CADPS: variants seen among roughly 807,000 people sequenced by gnomAD.
CADPS encodes the protein calcium-dependent secretion activator 1.
CADPS carries 57 observed loss-of-function variants against 167.3 expected under a neutral mutation model. That is an observed-to-expected ratio of 0.34 (90% confidence interval 0.28 to 0.42). CADPS has a LOEUF of 0.42. Among genes scored for constraint, CADPS ranks in the 20% least tolerant of loss-of-function variants. The pLI is 1.00. For missense variants in CADPS, 1,414 were observed against 1,738.1 expected, an observed-to-expected ratio of 0.81 and a Z score of 3.32; for synonymous variants, 676 against 635.3, an observed-to-expected ratio of 1.06 and a Z score of -0.96.
intron 6 of CADPS, among the ~76,000 whole-genome samples, chr3:62,604,783 C>G (rs908993138): frequency 1.3e-5 from 2 of 152,240 alleles, no homozygotes; most frequent in African/African-American, 2.4e-5. Context: ...ATCTCCATCA[C>G]CCAGCTGCCT....
chr3:62,408,083 C>T (rs2048260901), intron 28 of CADPS, among the ~76,000 whole-genome samples: 1 of 152,142 alleles, frequency 6.6e-6, no homozygotes, highest in African/African-American at 2.4e-5. Context: ...TTTGATCCTC[C>T]CTTTCTAGTA....
chr3:62,731,686 C>T (rs1445197607), intron 3 of CADPS, among the ~76,000 whole-genome samples: 1 of 151,226 alleles, frequency 6.6e-6, no homozygotes, highest in Non-Finnish European at 1.5e-5. Context: ...ATACAATTTG[C>T]CAACACATAT....
intron 1 of CADPS, among the ~76,000 whole-genome samples, chr3:62,851,977 T>C (rs1281596017): frequency 1.3e-5 from 2 of 150,438 alleles, no homozygotes; most frequent in Non-Finnish European, 3.0e-5. Flanking sequence ...CTCATTTCTT[T>C]TTATTCTTTT....
chr3:62,642,610 G>A (rs1358545803), intron 6 of CADPS, among the ~76,000 whole-genome samples: 2 of 152,176 alleles, frequency 1.3e-5, no homozygotes, highest in African/African-American at 2.4e-5. Context: ...CATGCTACCA[G>A]ATAAAACTGG....
At chr3:62,853,815 G>A (rs1437211533) in intron 1 of CADPS, among the ~76,000 whole-genome samples, 3 of 151,940 alleles carry the variant, frequency 2.0e-5, no homozygotes, top group African/African-American at 7.3e-5. Flanking sequence ...ACTTAGCCAG[G>A]TGTGGTGGTG....
intron 28 of CADPS, among the ~76,000 whole-genome samples, chr3:62,407,144 T>TCATCAC (rs1708802784): frequency 6.6e-6 from 1 of 152,004 alleles, no homozygotes; most frequent in Non-Finnish European, 1.5e-5. Flanking sequence ...AACATCATCA[T>TCATCAC]CATCATCATC....
At chr3:62,671,983 T>C (rs2075602683) in intron 3 of CADPS, among the ~76,000 whole-genome samples, 1 of 152,100 alleles carries the variant, frequency 6.6e-6, no homozygotes, top group Non-Finnish European at 1.5e-5. Flanking sequence ...GGTTTCACCA[T>C]GTTGGCCCGG....
chr3:62,731,827 A>AT (rs1344687205), intron 3 of CADPS, among the ~76,000 whole-genome samples: 15 of 79,458 alleles, frequency 1.9e-4, no homozygotes, highest in Non-Finnish European at 2.8e-4. Context: ...AAAAAAAAAA[A>AT]AAAGTAAAGA....
intron 1 of CADPS, among the ~76,000 whole-genome samples, chr3:62,857,716 G>A (rs1020399289): frequency 1.3e-5 from 2 of 151,790 alleles, no homozygotes; most frequent in African/African-American, 4.8e-5. Context: ...TGTGCATAAT[G>A]GATGTCTTTG....
chr3:62,700,355 T>C (rs1346873347), intron 3 of CADPS, among the ~76,000 whole-genome samples: 5 of 152,104 alleles, frequency 3.3e-5, no homozygotes, highest in Admixed American at 3.3e-4. Context: ...TAAAGAGGCA[T>C]TTTGGTTTTC....
At chr3:62,872,189 C>T (rs1183668766) in intron 1 of CADPS, among the ~76,000 whole-genome samples, 1 of 152,104 alleles carries the variant, frequency 6.6e-6, no homozygotes, top group Admixed American at 6.6e-5. Flanking sequence ...ACTAGTTTAT[C>T]TTTCTCCAAG....
intron 11 of CADPS, among the ~76,000 whole-genome samples, chr3:62,537,620 A>C (rs1383293405): frequency 6.6e-6 from 1 of 152,166 alleles, no homozygotes; most frequent in Admixed American, 6.6e-5. Flanking sequence ...ATCTTACTGG[A>C]ATACGGGGAC....
Position 62,457,810 on chromosome 3 carries a change from T to C in CADPS, c.3636+7557A>G, listed in dbSNP as rs2058869613. On this transcript the variant is annotated intron_variant, in intron 26 of 29. Transcript: ENST00000383710. ...GGGACATGGATGAAGCTGGAATCCA[T>C]AATTCTCAGCAAACTAACACAAGAA... Among the ~76,000 whole-genome samples the C allele has an allele frequency of 1.3e-5, 2 of 152,140 alleles. 1 individual carries two copies. Among genetic ancestry groups the C allele is most frequent in the South Asian group, 4.1e-4 (2 of 4,826 alleles).
chr3:62,751,386 A>G (rs2152402205), intron 3 of CADPS, among the ~76,000 whole-genome samples: 1 of 152,290 alleles, frequency 6.6e-6, no homozygotes, highest in Non-Finnish European at 1.5e-5. Flanking sequence ...TTTAGATATG[A>G]ATAGAGAGTA....
At chr3:62,633,804 C>T (rs79582733) in intron 6 of CADPS, among the ~76,000 whole-genome samples, 11,071 of 152,198 alleles carry the variant, frequency 0.073, 481 homozygotes, top group African/African-American at 0.12. Flanking sequence ...TAAAAATGAA[C>T]ATTTGGCCAA....
At chr3:62,557,089 T>C (rs1465864119) in intron 10 of CADPS, among the ~76,000 whole-genome samples, 1 of 150,900 alleles carries the variant, frequency 6.6e-6, no homozygotes, top group Non-Finnish European at 1.5e-5. Context: ...TTTTCAGAAT[T>C]TTTTTTTTAG....
chr3:62,859,080 A>G (rs2153166976), intron 1 of CADPS, among the ~76,000 whole-genome samples: 1 of 152,294 alleles, frequency 6.6e-6, no homozygotes, highest in East Asian at 1.9e-4. Flanking sequence ...TACACAAGAC[A>G]GAAATGCACA....
chr3:62,789,184 T>C (rs2092721406), intron 1 of CADPS, among the ~76,000 whole-genome samples: 1 of 152,192 alleles, frequency 6.6e-6, no homozygotes, highest in Admixed American at 6.5e-5. Flanking sequence ...ATGGCCACTA[T>C]CTGAGCTAGA....
intron 3 of CADPS, among the ~76,000 whole-genome samples, chr3:62,720,876 G>A (rs2075656794): frequency 1.4e-5 from 2 of 146,730 alleles, no homozygotes; most frequent in Non-Finnish European, 3.0e-5. Context: ...GGAGTGCCAT[G>A]GTGCGATCTT....
Sources: gnomAD v4.1 joint callset for allele counts (sites outside exome capture counted in the v4.1 genomes callset) on GRCh38, gnomAD v4.1.1 for gene constraint, MANE v1.5 for transcripts, NCBI Gene and HGNC (gene_info 2026-07-23, HGNC 2026-07-21) for gene names.